Variants in CHRDL1 observed in about 807,000 individuals in gnomAD.
The protein encoded by CHRDL1 is chordin-like protein 1.
Under a neutral mutation model 40.9 loss-of-function variants are expected in CHRDL1, and 19 were observed. The ratio of observed to expected loss-of-function variants is 0.46; its 90% CI spans 0.32 to 0.68. The LOEUF is 0.68. Among genes scored for constraint, CHRDL1 ranks in the 30% least tolerant of loss-of-function variants. CHRDL1 has a pLI of 0.03. For missense variants in CHRDL1, 329 were observed against 352.1 expected (o/e 0.93, Z 0.53); for synonymous variants, 136 against 123.4 (o/e 1.10, Z -0.68).
intron 9 of CHRDL1, among the ~76,000 whole-genome samples, chrX:110,687,924 C>T (rs1255392058): frequency 1.8e-5 from 2 of 111,601 alleles, no homozygotes; most frequent in Non-Finnish European, 3.8e-5. Flanking sequence ...ATAGAAAAAA[C>T]GATGGGCTGG....
rs72056903 is a variant in CHRDL1, at chrX:110,674,457, C to CCACACACACACACACA, written c.*1758_*1773dup. 25 of 78,926 alleles carry CCACACACACACACACA rather than the reference C, an allele frequency of 3.2e-4. No homozygotes were observed. Among genetic ancestry groups the CCACACACACACACACA allele is most frequent in the African/African-American group, 1.2e-3 (24 of 19,224 alleles). 6.5% of individuals were successfully genotyped at this position (78,926 alleles called of 1,213,427 possible). ...GCCGCATAACACCTTCCCCCCTTTA[C>CCACACACACACACACA]CACACACACACACACACACACACAC... On this transcript the variant is annotated 3_prime_UTR_variant, in exon 12 of 12. Coordinates refer to ENST00000372042, the MANE Select transcript of CHRDL1 (RefSeq NM_001143981.2).
chrX:110,706,366 T>A (rs769732601), intron 6 of CHRDL1, among the ~76,000 whole-genome samples: 17 of 112,172 alleles, frequency 1.5e-4, no homozygotes, highest in African/African-American at 5.2e-4. Flanking sequence ...AAAACAAGTG[T>A]AGTGTACTGT....
chrX:110,770,659 A>G (rs946649175), intron 2 of CHRDL1, among the ~76,000 whole-genome samples: 2 of 111,772 alleles, frequency 1.8e-5, no homozygotes, highest in African/African-American at 6.5e-5. Flanking sequence ...GACAAAAACT[A>G]CTAAGACTAG....
intron 2 of CHRDL1, among the ~76,000 whole-genome samples, chrX:110,774,802 A>G (rs2089822769): frequency 8.9e-6 from 1 of 111,932 alleles, no homozygotes; most frequent in African/African-American, 3.2e-5. Flanking sequence ...AAAATGAACC[A>G]TCATATTAGT....
chrX:110,732,798 C>T (rs1313777635), intron 4 of CHRDL1, among the ~76,000 whole-genome samples: 3 of 110,538 alleles, frequency 2.7e-5, no homozygotes, highest in Non-Finnish European at 5.7e-5. Context: ...GGGGAGGGCC[C>T]ATGTATTCTT....
rs1159582063 is a variant in CHRDL1 at position 110,694,173 on chromosome X, C to A, written c.768G>T (p.Lys256Asn). 3 of 1,207,460 alleles carry A rather than the reference C, an allele frequency of 2.5e-6. No homozygotes were observed. Among genetic ancestry groups the A allele is most frequent in the Non-Finnish European group, 3.4e-6 (3 of 892,053 alleles). ...AAGGATGCCCCTTACCTTGTCCATGCTTGTGTTTGTTATTGATGACAATTT... is the reference window on the plus strand; with the variant it reads ...AAGGATGCCCCTTACCTTGTCCATGATTGTGTTTGTTATTGATGACAATTT... ...IVQIVINNKH[K>N]HGQVCVSNGK... is the part of the protein sequence containing the mutation. Residue 256 changes from lysine (K) to asparagine (N), a missense_variant, in exon 8 of 12, where the codon AAG (lysine) becomes AAT (asparagine). Lys to Asn is a moderately conservative substitution (Grantham distance 94). Transcript: ENST00000372042.
At chrX:110,719,032 C>T (rs1234218012) in intron 6 of CHRDL1, among the ~76,000 whole-genome samples, 1 of 111,746 alleles carries the variant, frequency 8.9e-6, no homozygotes, top group Non-Finnish European at 1.9e-5. Context: ...TATATATCTA[C>T]TGTATTTATC....
chrX:110,752,488 C>G (rs924111763), intron 4 of CHRDL1, among the ~76,000 whole-genome samples: 1 of 111,621 alleles, frequency 9.0e-6, no homozygotes, highest in Non-Finnish European at 1.9e-5. Context: ...TCTAAGAGAA[C>G]AGTCAGTATG....
chrX:110,689,072 GTATATATATATA>G (rs758293619), intron 8 of CHRDL1, among the ~76,000 whole-genome samples: 5 of 31,163 alleles, frequency 1.6e-4, no homozygotes, highest in South Asian at 1.8e-3. Context: ...ATATATATAT[GTATATATATATA>G]TATATATATA....
intron 4 of CHRDL1, among the ~76,000 whole-genome samples, chrX:110,754,192 C>T (rs2089410775): frequency 8.9e-6 from 1 of 112,079 alleles, no homozygotes; most frequent in Admixed American, 9.4e-5. Context: ...AGCTTCAATC[C>T]TTCCTTAAAC....
intron 8 of CHRDL1, among the ~76,000 whole-genome samples, chrX:110,691,458 G>C (rs1354705304): frequency 1.8e-5 from 2 of 110,412 alleles, no homozygotes; most frequent in African/African-American, 3.3e-5. Flanking sequence ...TCATGACTAG[G>C]ACTGGGTGTG....
rs188489267 is a variant in CHRDL1, at chrX:110,774,493, T to A, written c.95-11686A>T. On this transcript the variant is annotated intron_variant, in intron 2 of 11. Transcript: ENST00000372042. ...ACAGAGATACAGAATAAAACAGTGGTGACTATGATTGGTGTAGGGGTGTGG... is the reference window on the plus strand; with the variant it reads ...ACAGAGATACAGAATAAAACAGTGGAGACTATGATTGGTGTAGGGGTGTGG... Among the ~76,000 whole-genome samples the A allele has an allele frequency of 6.2e-3, 683 of 110,407 alleles. 5 individuals carry two copies. The highest frequency in any genetic ancestry group is 0.01 in the Non-Finnish European group (538 of 52,759).
At chrX:110,728,901 G>A (rs1251251312) in intron 4 of CHRDL1, among the ~76,000 whole-genome samples, 2 of 111,858 alleles carry the variant, frequency 1.8e-5, no homozygotes, top group Non-Finnish European at 3.8e-5. Flanking sequence ...TTTGGGAGGC[G>A]ACGGCAGTGG....
rs1049512616 is a variant in CHRDL1 at position 110,727,055 on chromosome X, A to G, written c.302-5525T>C. Among the ~76,000 whole-genome samples, 15 of 112,232 alleles carry G rather than the reference A, an allele frequency of 1.3e-4. 1 individual carries two copies. The highest frequency in any genetic ancestry group is 1.3e-3 in the Admixed American group (14 of 10,606). ...TTTCATTGGAGGGGAAGGCACAAAA[A>G]GGTGTTAAATGATAATGTATTTAAA... On this transcript the variant is annotated intron_variant, in intron 4 of 11. Coordinates refer to ENST00000372042, the MANE Select transcript of CHRDL1 (RefSeq NM_001143981.2).
intron 6 of CHRDL1, among the ~76,000 whole-genome samples, chrX:110,712,185 A>C (rs1256554884): frequency 1.8e-5 from 2 of 112,404 alleles, no homozygotes; most frequent in African/African-American, 6.5e-5. Context: ...TTTTTGAACC[A>C]GATTAAGTCC....
intron 6 of CHRDL1, 50 bp from the exon 7 acceptor site, chrX:110,700,771 A>G: frequency 1.2e-6 from 1 of 845,736 alleles, no homozygotes; most frequent in Non-Finnish European, 1.8e-6. Context: ...ATAAAAGGGA[A>G]AGTTATCACC....
chrX:110,757,246 C>A (rs2089470940), intron 4 of CHRDL1, among the ~76,000 whole-genome samples: 1 of 108,894 alleles, frequency 9.2e-6, no homozygotes, highest in Admixed American at 9.8e-5. Context: ...AAAAAAAAAA[C>A]TGACTAAAAA....
intron 7 of CHRDL1, among the ~76,000 whole-genome samples, chrX:110,697,685 A>T (rs2070415446): frequency 9.2e-6 from 1 of 109,279 alleles, no homozygotes; most frequent in Non-Finnish European, 1.9e-5. Flanking sequence ...TTTTAATGGT[A>T]AATTTCAACG....
At position 110,709,775 on chromosome X, in the gene CHRDL1, C is replaced by T. The variant is rs187176231; in HGVS notation, c.542-9054G>A. 2.2e-4 allele frequency among the ~76,000 whole-genome samples: 24 copies of T among 111,443 alleles called. 1 individual carries two copies. The East Asian group carries it at 6.2e-3, about 29-fold the overall frequency. On this transcript the variant is annotated intron_variant, in intron 6 of 11. Transcript: ENST00000372042. The stretch of plus-strand genomic sequence containing the variant: ...ATCTCAGCACTTTGGGAGGCTGAGG[C>T]GGGTAGATCATCTGAGGTAAGGAGT...
Sources: allele counts gnomAD v4.1 joint callset (sites outside exome capture counted in the v4.1 genomes callset), GRCh38; gene constraint gnomAD v4.1.1; transcripts MANE v1.5; gene names NCBI Gene and HGNC (gene_info 2026-07-23, HGNC 2026-07-21).